The following CACNG3 variants were observed in gnomAD, a reference collection of about 807,000 sequenced individuals.
CACNG3 encodes voltage-dependent calcium channel gamma-3 subunit.
Under a neutral mutation model 28.5 loss-of-function variants are expected in CACNG3, and 3 were observed. The observed-to-expected ratio is 0.11, with a 90% CI of 0.05 to 0.27. CACNG3 has a LOEUF of 0.27. CACNG3 is among the 10% of genes least tolerant of loss of function. The pLI, the probability that CACNG3 is intolerant of heterozygous loss-of-function variation, is 1.00. For synonymous variants in CACNG3, 174 were observed against 162.2 expected, an observed-to-expected ratio of 1.07 and a Z score of -0.55; for missense variants, 236 against 414.4, an observed-to-expected ratio of 0.57 and a Z score of 3.74.
At chr16:24,257,947 A>G (rs1032245699) in intron 1 of CACNG3, among the ~76,000 whole-genome samples, 3 of 152,206 alleles carry the variant, frequency 2.0e-5, no homozygotes, top group Non-Finnish European at 2.9e-5. Flanking sequence ...ATAGAAAGAT[A>G]AGGAAGAAAA....
At chr16:24,353,020 G>C (rs577886853) in intron 2 of CACNG3, among the ~76,000 whole-genome samples, 14 of 152,300 alleles carry the variant, frequency 9.2e-5, no homozygotes, top group Admixed American at 6.5e-4. Context: ...TGTTGCCCAG[G>C]CTGGAGTGTA....
At chr16:24,302,821 G>C (rs1307504955) in intron 1 of CACNG3, among the ~76,000 whole-genome samples, 6 of 151,996 alleles carry the variant, frequency 3.9e-5, no homozygotes, top group Non-Finnish European at 8.8e-5. Context: ...CACCACACCA[G>C]GTTAATTTTC....
intron 1 of CACNG3, among the ~76,000 whole-genome samples, chr16:24,312,881 A>T (rs1019766483): frequency 3.3e-5 from 5 of 150,442 alleles, no homozygotes; most frequent in Admixed American, 6.7e-5. Flanking sequence ...AGGAAAGAAA[A>T]AAAAGAAAGA....
intron 1 of CACNG3, among the ~76,000 whole-genome samples, chr16:24,297,448 A>G (rs1466593250): frequency 6.6e-6 from 1 of 151,964 alleles, no homozygotes; most frequent in Non-Finnish European, 1.5e-5. Context: ...AAAAACTATA[A>G]CCAAAACCCT....
At chr16:24,282,886 CAG>C (rs1431907905) in intron 1 of CACNG3, among the ~76,000 whole-genome samples, 6 of 151,906 alleles carry the variant, frequency 3.9e-5, no homozygotes, top group Admixed American at 3.9e-4. Context: ...GTTTTTTGGA[CAG>C]AGTCTCACTC....
chr16:24,266,809 C>T (rs1320979126), intron 1 of CACNG3, among the ~76,000 whole-genome samples: 1 of 152,168 alleles, frequency 6.6e-6, no homozygotes, highest in Non-Finnish European at 1.5e-5. Context: ...TGGCTCACTT[C>T]CAGGGCAAGT....
chr16:24,301,075 G>T (rs181019896), intron 1 of CACNG3, among the ~76,000 whole-genome samples: 1 of 151,372 alleles, frequency 6.6e-6, no homozygotes, highest in Admixed American at 6.6e-5. Flanking sequence ...GTCTGGCGTG[G>T]TGGCACACAC....
intron 1 of CACNG3, among the ~76,000 whole-genome samples, chr16:24,258,276 TCTC>T (rs1474219772): frequency 6.6e-6 from 1 of 152,168 alleles, no homozygotes; most frequent in Non-Finnish European, 1.5e-5. Flanking sequence ...GAACAACTGC[TCTC>T]CTGACCGTAG....
intron 1 of CACNG3, among the ~76,000 whole-genome samples, chr16:24,330,138 C>T (rs1379997635): frequency 2.6e-5 from 4 of 152,334 alleles, no homozygotes; most frequent in African/African-American, 9.6e-5. Context: ...TCTGCTGGAG[C>T]ATCCCAGTGA....
intron 1 of CACNG3, among the ~76,000 whole-genome samples, chr16:24,296,015 C>T (rs1899027132): frequency 6.6e-6 from 1 of 152,224 alleles, no homozygotes; most frequent in Admixed American, 6.5e-5. Flanking sequence ...AGCTATCATG[C>T]TCTACTGCCT....
intron 1 of CACNG3, among the ~76,000 whole-genome samples, chr16:24,297,137 A>G (rs1421625129): frequency 6.6e-6 from 1 of 152,090 alleles, no homozygotes; most frequent in Admixed American, 6.5e-5. Flanking sequence ...AGACTGTGCT[A>G]CTTAGGAGGC....
chr16:24,312,945 A>AAG (rs1382368912), intron 1 of CACNG3, among the ~76,000 whole-genome samples: 1 of 104,484 alleles, frequency 9.6e-6, no homozygotes, highest in African/African-American at 3.5e-5. Flanking sequence ...GAAAGAAAGA[A>AAG]AGAAAGAAAG....
At chr16:24,281,666 G>C (rs1303245032) in intron 1 of CACNG3, among the ~76,000 whole-genome samples, 1 of 152,174 alleles carries the variant, frequency 6.6e-6, no homozygotes, top group African/African-American at 2.4e-5. Flanking sequence ...TTAGGCCTGA[G>C]TCACGTGATT....
At chr16:24,339,388 T>C (rs931541736) in intron 1 of CACNG3, among the ~76,000 whole-genome samples, 1 of 143,864 alleles carries the variant, frequency 7.0e-6, no homozygotes, top group African/African-American at 2.5e-5. Flanking sequence ...TGCTTCTTCC[T>C]TTTTTTTTTT....
At position 24,361,992 on chromosome 16, in the gene CACNG3, C is replaced by T; in HGVS notation, c.*129C>T. On this transcript the variant is annotated 3_prime_UTR_variant, in exon 4 of 4. Coordinates refer to ENST00000005284, the MANE Select transcript of CACNG3 (RefSeq NM_006539.4). This position sits in a 1 kb window ranked among gnomAD's most constrained non-coding sequence, Gnocchi z 6.8. ...TACAAAGAATGAAACCAAATGGACT[C>T]AGCCCTCTCCCACATTTTCCCCTCA... The T allele has an allele frequency of 3.3e-6, 3 of 916,564 alleles. No homozygotes were observed. Among genetic ancestry groups the T allele is most frequent in the South Asian group, 1.8e-5 (1 of 54,320 alleles). The allele number at this position is 916,564 out of a possible 1,614,324, so 56.8% of individuals were successfully genotyped here.
intron 1 of CACNG3, among the ~76,000 whole-genome samples, chr16:24,287,514 CAAA>C (rs748719520): frequency 3.2e-5 from 1 of 31,302 alleles, no homozygotes. Flanking sequence ...CGAGACTCTC[CAAA>C]AAAAAAAAAA....
chr16:24,257,366 GGGGAGAGA>G (rs1567427484), intron 1 of CACNG3, among the ~76,000 whole-genome samples: 5 of 106,488 alleles, frequency 4.7e-5, no homozygotes, highest in African/African-American at 1.6e-4. Context: ...AGAAGTGAGG[GGGGAGAGA>G]GAGAGAGAGA....
intron 2 of CACNG3, among the ~76,000 whole-genome samples, chr16:24,349,865 T>C (rs944065834): frequency 3.3e-5 from 5 of 152,284 alleles, no homozygotes; most frequent in Middle Eastern, 3.4e-3. Context: ...AGTCGCTCTG[T>C]TTCCAACGCC....
At chr16:24,301,792 T>C (rs558064638) in intron 1 of CACNG3, among the ~76,000 whole-genome samples, 3 of 152,338 alleles carry the variant, frequency 2.0e-5, no homozygotes, top group African/African-American at 7.2e-5. Flanking sequence ...AAGAGAGCAC[T>C]ATTCTATTCA....
Sources: allele counts gnomAD v4.1 joint callset (sites outside exome capture counted in the v4.1 genomes callset), GRCh38; gene constraint gnomAD v4.1.1; non-coding constraint Gnocchi (gnomAD v3.1); transcripts MANE v1.5; gene names NCBI Gene and HGNC (gene_info 2026-07-23, HGNC 2026-07-21).